The following SHISA9 variants were observed in gnomAD, a reference collection of about 807,000 sequenced individuals.
The protein encoded by SHISA9 is protein shisa-9.
Under a neutral mutation model 38.0 loss-of-function variants are expected in SHISA9, and 13 were observed. The ratio of observed to expected loss-of-function variants is 0.34; its 90% CI spans 0.22 to 0.54. The LOEUF is 0.54. Ranked by LOEUF, SHISA9 falls within the 20% of genes least tolerant of loss-of-function variation. The pLI, the probability that SHISA9 is intolerant of heterozygous loss-of-function variation, is 0.91. For missense variants in SHISA9, 538 were observed against 575.8 expected (o/e 0.93, Z 0.67); for synonymous variants, 275 against 242.0 (o/e 1.14, Z -1.27).
At chr16:13,099,417 G>A (rs557980516) in intron 2 of SHISA9, among the ~76,000 whole-genome samples, 38 of 152,292 alleles carry the variant, frequency 2.5e-4, no homozygotes, top group Middle Eastern at 3.4e-3. Flanking sequence ...TAAAACAAGG[G>A]TGGGGGACAA....
At chr16:12,999,253 C>T (rs976128559) in intron 2 of SHISA9, among the ~76,000 whole-genome samples, 1 of 151,992 alleles carries the variant, frequency 6.6e-6, no homozygotes, top group South Asian at 2.1e-4. Flanking sequence ...ACAGAAAGAA[C>T]AAAAATGGAA....
intron 2 of SHISA9, among the ~76,000 whole-genome samples, chr16:12,923,451 C>T (rs939559276): frequency 6.6e-6 from 1 of 152,044 alleles, no homozygotes; most frequent in African/African-American, 2.4e-5. Flanking sequence ...TCACTTGAAC[C>T]TGGGAGGCAG....
chr16:13,412,390 G>T, the SHISA9 span, among the ~76,000 whole-genome samples: 1 of 152,084 alleles, frequency 6.6e-6, no homozygotes, highest in Admixed American at 6.5e-5. Context: ...ACAAACAACA[G>T]ATGTTCATAC....
chr16:13,014,243 C>T (rs1276416957), intron 2 of SHISA9, among the ~76,000 whole-genome samples: 1 of 152,180 alleles, frequency 6.6e-6, no homozygotes, highest in Non-Finnish European at 1.5e-5. Context: ...TGCCTGAATC[C>T]AGAGCCATCC....
chr16:13,314,377 C>A, the SHISA9 span, among the ~76,000 whole-genome samples: 1 of 151,916 alleles, frequency 6.6e-6, no homozygotes, highest in East Asian at 1.9e-4. Context: ...CCATGCCCAG[C>A]TAATTTATTA....
rs968580755 is a variant in SHISA9, at chr16:13,034,335, A to T, written c.691+117520A>T. Among the ~76,000 whole-genome samples the T allele has an allele frequency of 4.6e-5, 7 of 152,260 alleles. No homozygotes were observed. In the South Asian group the frequency reaches 1.2e-3, roughly 27 times the overall value. ...CTCCTTGGGAATGACCCAATTTCTC[A>T]GCTTCTGTTTCACCTCCTGGCCCAG... On this transcript the variant is annotated intron_variant, in intron 2 of 4. Transcript: ENST00000558583.
At chr16:13,425,120 A>G in the SHISA9 span, among the ~76,000 whole-genome samples, 2 of 152,200 alleles carry the variant, frequency 1.3e-5, no homozygotes, top group African/African-American at 2.4e-5. Context: ...CCAATACCAC[A>G]TGTTCCCGCT....
chr16:13,562,403 G>A, the SHISA9 span, among the ~76,000 whole-genome samples: 46 of 152,148 alleles, frequency 3.0e-4, 1 homozygote, highest in African/African-American at 1.1e-3. Flanking sequence ...GCTGAGGCAG[G>A]CAGATCACCT....
intron 2 of SHISA9, among the ~76,000 whole-genome samples, chr16:13,173,976 G>C (rs771504078): frequency 6.6e-6 from 1 of 152,048 alleles, no homozygotes. Flanking sequence ...CTGAGGAGTC[G>C]GAGTCCTGGC....
chr16:12,903,357 G>T (rs974506628), intron 1 of SHISA9, among the ~76,000 whole-genome samples: 1 of 152,164 alleles, frequency 6.6e-6, no homozygotes, highest in African/African-American at 2.4e-5. Context: ...GACTCCGGGG[G>T]CCCGAGCCCC....
the SHISA9 span, among the ~76,000 whole-genome samples, chr16:13,428,291 GAA>G: frequency 4.0e-5 from 6 of 151,832 alleles, no homozygotes; most frequent in Non-Finnish European, 5.9e-5. Flanking sequence ...GAAAAACAAA[GAA>G]AGAGAGAGAG....
At chr16:12,903,541 A>G (rs1418979899) in intron 1 of SHISA9, among the ~76,000 whole-genome samples, 8 of 151,880 alleles carry the variant, frequency 5.3e-5, no homozygotes, top group Non-Finnish European at 1.2e-4. Flanking sequence ...TTAAGTGTCT[A>G]AATCGATTCG....
chr16:13,010,602 C>G (rs896380023), intron 2 of SHISA9, among the ~76,000 whole-genome samples: 6 of 152,186 alleles, frequency 3.9e-5, no homozygotes, highest in African/African-American at 7.2e-5. Flanking sequence ...ATCTTATCAT[C>G]AAGTACTACT....
chr16:13,331,984 A>C, the SHISA9 span: 1 of 152,178 alleles, frequency 6.6e-6, no homozygotes, highest in Non-Finnish European at 1.5e-5. Flanking sequence ...GGTCTCTCAT[A>C]ATAACCTGGC....
rs1184458816 is a variant in SHISA9 at position 13,239,528 on chromosome 16, T to C, written c.*4119T>C. ...TTCCTGACTTTTTAATGATTGCCAT[T>C]CTAACTGGCGTGAGATGGTATCTCA... On this transcript the variant is annotated 3_prime_UTR_variant, in exon 5 of 5. Transcript: ENST00000558583. The C allele has an allele frequency of 6.6e-6, 1 of 151,968 alleles. No individual in the cohort carries two copies. The highest frequency in any genetic ancestry group is 1.5e-5 in the Non-Finnish European group (1 of 67,906). 9.4% of individuals were successfully genotyped at this position (151,968 alleles called of 1,614,324 possible).
chr16:13,476,878 A>G, the SHISA9 span, among the ~76,000 whole-genome samples: 1 of 149,780 alleles, frequency 6.7e-6, no homozygotes, highest in Non-Finnish European at 1.5e-5. Context: ...CCTCCCGAGT[A>G]GCTGGGACTA....
At chr16:12,998,054 C>T (rs1239987339) in intron 2 of SHISA9, among the ~76,000 whole-genome samples, 1 of 152,182 alleles carries the variant, frequency 6.6e-6, no homozygotes, top group African/African-American at 2.4e-5. Flanking sequence ...ACTGTTGTAT[C>T]TGCGGTACCT....
chr16:13,370,125 C>T, the SHISA9 span, among the ~76,000 whole-genome samples: 4 of 152,112 alleles, frequency 2.6e-5, no homozygotes, highest in Admixed American at 6.5e-5. Flanking sequence ...CAGCCCGAGT[C>T]GAGCTCAGTG....
chr16:13,248,949 G>A, the SHISA9 span, among the ~76,000 whole-genome samples: 104 of 152,242 alleles, frequency 6.8e-4, no homozygotes, highest in Non-Finnish European at 1.3e-3. Context: ...CAAGGGAGCA[G>A]GGCTTTCATT....
Sources: gnomAD v4.1 joint callset for allele counts (sites outside exome capture counted in the v4.1 genomes callset) on GRCh38, gnomAD v4.1.1 for gene constraint, MANE v1.5 for transcripts, NCBI Gene and HGNC (gene_info 2026-07-23, HGNC 2026-07-21) for gene names.